UNC5A: variants seen among roughly 807,000 people sequenced by gnomAD.
The protein encoded by UNC5A is netrin receptor UNC5A.
In UNC5A, 20 loss-of-function variants were observed where a neutral mutation model predicts 87.4. The observed-to-expected ratio is 0.23, with a 90% CI of 0.16 to 0.33. UNC5A has a LOEUF of 0.33. Among genes scored for constraint, UNC5A ranks in the 10% least tolerant of loss-of-function variants. The pLI, the probability that UNC5A is intolerant of heterozygous loss-of-function variation, is 1.00. For synonymous variants in UNC5A, 438 were observed against 482.3 expected (o/e 0.91, Z 1.20); for missense variants, 844 against 1,133.4 (o/e 0.74, Z 3.67).
In UNC5A at chr5:176,857,271, C is replaced by T. The variant is rs1360965770; in HGVS notation, c.71-5353C>T. Among the ~76,000 whole-genome samples, 4 of 152,316 alleles carry T rather than the reference C, an allele frequency of 2.6e-5. No individual in the cohort carries two copies. In the East Asian group the frequency reaches 5.8e-4, roughly 22 times the overall value. On this transcript the variant is annotated intron_variant, in intron 1 of 14. Transcript: ENST00000329542. The stretch of plus-strand genomic sequence containing the variant: ...GTGTTGTCTTGCTTGCGCTGGATCC[C>T]GGTGCCCGGAACAGTTCCTGGCACA...
At chr5:176,860,093 C>A (rs1757796905) in intron 1 of UNC5A, among the ~76,000 whole-genome samples, 1 of 152,226 alleles carries the variant, frequency 6.6e-6, no homozygotes, top group South Asian at 2.1e-4. Context: ...CCTGCCCCCA[C>A]ACGCCCAGCC....
intron 1 of UNC5A, among the ~76,000 whole-genome samples, chr5:176,845,129 A>G (rs1757373165): frequency 6.6e-6 from 1 of 152,032 alleles, no homozygotes; most frequent in Non-Finnish European, 1.5e-5. Context: ...GTCACCCTCC[A>G]TGCCCTGCCC....
At position 176,824,419 on chromosome 5, in the gene UNC5A, TTC is replaced by T. The variant is rs1756803577; in HGVS notation, c.70+13601_70+13602del. On this transcript the variant is annotated intron_variant, in intron 1 of 14. Coordinates refer to ENST00000329542, the MANE Select transcript of UNC5A (RefSeq NM_133369.3). The surrounding 1 kb of genome is among the most constrained non-coding windows in gnomAD (Gnocchi z 4.2). The stretch of plus-strand genomic sequence containing the variant: ...GCTTTAACGCCCGTGTGAGTTGGGT[TTC>T]TGTGTCCTGCACCTGAAAGGGGCCT... 6.6e-6 allele frequency among the ~76,000 whole-genome samples: 1 copy of T among 151,990 alleles called. No individual in the cohort carries two copies. The highest frequency in any genetic ancestry group is 2.1e-4 in the South Asian group (1 of 4,798).
chr5:176,868,811 G>T lies in UNC5A; in HGVS notation c.568G>T (p.Val190Leu), dbSNP rs1390007618. 6.2e-7 allele frequency: 1 copy of T among 1,605,798 alleles called. No individual in the cohort carries two copies. ...EVEWLRNEDL[V>L]DPSLDPNVYI... ...GGAGTGGCTCCGGAACGAGGACCTGGTGGACCCGTCCCTGGACCCCAATGT... is the reference window on the plus strand; with the variant it reads ...GGAGTGGCTCCGGAACGAGGACCTGTTGGACCCGTCCCTGGACCCCAATGT... Residue 190 changes from valine to leucine, a missense_variant, in exon 5 of 15, where the codon GTG becomes TTG. By Grantham distance (32) the Val-to-Leu change is conservative. Transcript: ENST00000329542.
At chr5:176,829,194 A>T (rs911154046) in intron 1 of UNC5A, among the ~76,000 whole-genome samples, 8 of 19,374 alleles carry the variant, frequency 4.1e-4, no homozygotes, top group South Asian at 4.8e-3. Flanking sequence ...GGATGGATGG[A>T]TGGATGGATG....
At position 176,868,846 on chromosome 5, in the gene UNC5A, G is replaced by A. The variant is rs763301509; in HGVS notation, c.603G>A (p.Thr201=). ...DPSLDPNVYI[T]REHSLVVRQA... is the part of the protein sequence containing the mutation. ...CCCTGGACCCCAATGTATACATCACGCGGGAGCACAGCCTGGTGGTGCGAC... is the reference window on the plus strand; with the variant it reads ...CCCTGGACCCCAATGTATACATCACACGGGAGCACAGCCTGGTGGTGCGAC... The change falls in exon 5 of 15, where the codon ACG becomes ACA. Residue 201 remains threonine, a synonymous_variant. Coordinates refer to ENST00000329542, the MANE Select transcript of UNC5A (RefSeq NM_133369.3). The A allele has an allele frequency of 1.1e-5, 17 of 1,612,656 alleles. No individual in the cohort carries two copies. The Admixed American group carries it at 2.0e-4, about 19-fold the overall frequency.
intron 1 of UNC5A, among the ~76,000 whole-genome samples, chr5:176,851,432 C>T (rs1757538526): frequency 6.6e-6 from 1 of 152,204 alleles, no homozygotes; most frequent in African/African-American, 2.4e-5. Context: ...CCACCCCGGC[C>T]CCAGCTCTGG....
intron 2 of UNC5A, among the ~76,000 whole-genome samples, chr5:176,867,928 C>T (rs1049343383): frequency 3.3e-5 from 5 of 152,080 alleles, no homozygotes; most frequent in African/African-American, 9.6e-5. Context: ...AGAAATCAAG[C>T]GGCCCTTGGG....
chr5:176,851,680 G>A (rs1757547214), intron 1 of UNC5A, among the ~76,000 whole-genome samples: 1 of 152,212 alleles, frequency 6.6e-6, no homozygotes, highest in African/African-American at 2.4e-5. Context: ...CCCGGAGAGG[G>A]GAGGGGAGCA....
chr5:176,860,001 G>A (rs1757794005), intron 1 of UNC5A, among the ~76,000 whole-genome samples: 1 of 152,236 alleles, frequency 6.6e-6, no homozygotes, highest in African/African-American at 2.4e-5. Context: ...ATGAGGGATT[G>A]TGCTGGGTTC....
chr5:176,828,947 G>A (rs1195486495), intron 1 of UNC5A, among the ~76,000 whole-genome samples: 1 of 152,056 alleles, frequency 6.6e-6, no homozygotes, highest in African/African-American at 2.4e-5. Context: ...TGACCAACAT[G>A]GTAAAACCCC....
chr5:176,840,058 T>C (rs1018013422), intron 1 of UNC5A, among the ~76,000 whole-genome samples: 2 of 152,084 alleles, frequency 1.3e-5, no homozygotes, highest in Admixed American at 6.5e-5. Flanking sequence ...AATTTCACCA[T>C]GTTGGCCAGG....
chr5:176,847,881 G>A (rs1287301507), intron 1 of UNC5A, among the ~76,000 whole-genome samples: 2 of 151,282 alleles, frequency 1.3e-5, no homozygotes, highest in Non-Finnish European at 2.9e-5. Flanking sequence ...AGAGAAATGG[G>A]CCTGCCCTTC....
chr5:176,828,843 G>C (rs1756916938), intron 1 of UNC5A, among the ~76,000 whole-genome samples: 1 of 151,794 alleles, frequency 6.6e-6, no homozygotes, highest in African/African-American at 2.4e-5. Flanking sequence ...ATGAAAGATG[G>C]ATGGGGGCTG....
chr5:176,834,745 CCTCTCT>C (rs1162498354), intron 1 of UNC5A, among the ~76,000 whole-genome samples: 1 of 148,078 alleles, frequency 6.8e-6, no homozygotes, highest in African/African-American at 2.5e-5. Flanking sequence ...TCTCCCTCTC[CCTCTCT>C]CTCTCCCTTT....
At chr5:176,814,302 G>A (rs1184238179) in intron 1 of UNC5A, among the ~76,000 whole-genome samples, 3 of 152,096 alleles carry the variant, frequency 2.0e-5, no homozygotes, top group Non-Finnish European at 2.9e-5. Context: ...TTCCTCCCTC[G>A]TCATCGCCCC....
chr5:176,864,363 G>A (rs1052113071), intron 2 of UNC5A, among the ~76,000 whole-genome samples: 44 of 152,336 alleles, frequency 2.9e-4, no homozygotes, highest in African/African-American at 8.9e-4. Flanking sequence ...AGACACCAGA[G>A]CGGGCTGCGG....
In UNC5A at chr5:176,868,974, G is replaced by T. The variant is rs377502186; in HGVS notation, c.721+10G>T. ...GCTGTCATCGTCTACGGTGGGCCCC[G>T]GGACTCCCTGGTCACAGGGAGAGGC... On this transcript the variant is annotated intron_variant, in intron 5 of 14. Transcript: ENST00000329542. 63 of 1,588,396 alleles carry T rather than the reference G, an allele frequency of 4.0e-5. No homozygotes were observed. The highest frequency in any genetic ancestry group is 5.0e-5 in the Non-Finnish European group (58 of 1,165,532).
At chr5:176,834,554 G>T (rs1292599771) in intron 1 of UNC5A, among the ~76,000 whole-genome samples, 7 of 152,208 alleles carry the variant, frequency 4.6e-5, no homozygotes, top group Non-Finnish European at 8.8e-5. Flanking sequence ...CTCCCAGGCA[G>T]CAGGACAGAT....
Sources: allele counts gnomAD v4.1 joint callset (sites outside exome capture counted in the v4.1 genomes callset), GRCh38; gene constraint gnomAD v4.1.1; non-coding constraint Gnocchi (gnomAD v3.1); transcripts MANE v1.5; gene names NCBI Gene and HGNC (gene_info 2026-07-23, HGNC 2026-07-21).